The following STXBP5L variants were observed in gnomAD, a reference collection of about 807,000 sequenced individuals.
STXBP5L encodes syntaxin-binding protein 5-like.
Under a neutral mutation model 144.5 loss-of-function variants are expected in STXBP5L, and 65 were observed. That is an observed-to-expected ratio of 0.45 (90% CI 0.37 to 0.55). STXBP5L has a LOEUF of 0.55. Among genes scored for constraint, STXBP5L ranks in the 20% least tolerant of loss-of-function variants. The probability of loss-of-function intolerance (pLI) is 0.00; values close to 1 mark genes in which losing one functional copy is unlikely to be tolerated. For synonymous variants in STXBP5L, 505 were observed against 469.6 expected (o/e 1.08, Z -0.97); for missense variants, 1,298 against 1,405.5 (o/e 0.92, Z 1.22).
chr3:121,351,715 T>C (rs1413836015), intron 20 of STXBP5L, among the ~76,000 whole-genome samples: 3 of 152,198 alleles, frequency 2.0e-5, no homozygotes, highest in Non-Finnish European at 2.9e-5. Flanking sequence ...TTGTCTATTT[T>C]GGCTTTTGTT....
chr3:121,297,549 G>A (rs2051706498), intron 19 of STXBP5L, among the ~76,000 whole-genome samples: 1 of 152,024 alleles, frequency 6.6e-6, no homozygotes, highest in African/African-American at 2.4e-5. Context: ...AGGTCAGGAG[G>A]TCCAGACTAG....
chr3:121,093,578 C>T (rs960551073), intron 5 of STXBP5L, among the ~76,000 whole-genome samples: 52 of 152,166 alleles, frequency 3.4e-4, no homozygotes, highest in African/African-American at 9.7e-4. Context: ...TTGTAGTATT[C>T]GCTGATGGTA....
At chr3:120,987,471 T>A (rs1266228159) in intron 3 of STXBP5L, among the ~76,000 whole-genome samples, 1 of 151,956 alleles carries the variant, frequency 6.6e-6, no homozygotes, top group Non-Finnish European at 1.5e-5. Context: ...TTATTTCTTT[T>A]TTGTAAAGTT....
At chr3:121,061,128 T>G (rs2041254854) in intron 5 of STXBP5L, among the ~76,000 whole-genome samples, 1 of 152,220 alleles carries the variant, frequency 6.6e-6, no homozygotes, top group Non-Finnish European at 1.5e-5. Flanking sequence ...AATTTCCATC[T>G]AAACACTGCT....
chr3:121,374,222 A>G (rs1301611317), intron 20 of STXBP5L, among the ~76,000 whole-genome samples: 3 of 152,236 alleles, frequency 2.0e-5, no homozygotes, highest in African/African-American at 4.8e-5. Context: ...AAGTAATCAC[A>G]TGGAGACTAC....
chr3:121,312,238 C>A (rs537983696), intron 19 of STXBP5L, among the ~76,000 whole-genome samples: 94 of 151,998 alleles, frequency 6.2e-4, no homozygotes, highest in Middle Eastern at 3.4e-3. Context: ...AGCATAAAAA[C>A]CCTAAAAGAA....
At chr3:121,417,250 T>C (rs1160221954) in intron 25 of STXBP5L, among the ~76,000 whole-genome samples, 1 of 152,192 alleles carries the variant, frequency 6.6e-6, no homozygotes, top group East Asian at 1.9e-4. Flanking sequence ...ATAGTGGTGA[T>C]GGTCGTACAA....
chr3:121,063,809 C>G (rs575896187), intron 5 of STXBP5L, among the ~76,000 whole-genome samples: 2 of 148,842 alleles, frequency 1.3e-5, no homozygotes, highest in Non-Finnish European at 2.9e-5. Flanking sequence ...AAACCGCCTA[C>G]TCAAGCTGAG....
chr3:121,087,702 A>C (rs1167753525), intron 5 of STXBP5L, among the ~76,000 whole-genome samples: 1 of 151,326 alleles, frequency 6.6e-6, no homozygotes, highest in Non-Finnish European at 1.5e-5. Context: ...TCTCCATTTT[A>C]TTTTTTGTTT....
chr3:120,979,474 G>A (rs1239288868), intron 3 of STXBP5L, among the ~76,000 whole-genome samples: 2 of 152,144 alleles, frequency 1.3e-5, no homozygotes, highest in South Asian at 2.1e-4. Context: ...ACTAGGAAAG[G>A]GAACTCCCTG....
rs573951574 is a variant in STXBP5L, at chr3:121,147,221, G to T, written c.670-5256G>T. Among the ~76,000 whole-genome samples, 10 of 152,056 alleles carry T rather than the reference G, an allele frequency of 6.6e-5. No homozygotes were observed. The South Asian group carries it at 1.7e-3, about 25-fold the overall frequency. On this transcript the variant is annotated intron_variant, in intron 7 of 26. Transcript: ENST00000471454. The stretch of plus-strand genomic sequence containing the variant: ...GTATATTTGCTGAACCAAAAAACAT[G>T]CCAATAAATTTCAGAGGATTAAAAT...
intron 19 of STXBP5L, among the ~76,000 whole-genome samples, chr3:121,285,681 A>G (rs2051208245): frequency 6.6e-6 from 1 of 152,128 alleles, no homozygotes; most frequent in African/African-American, 2.4e-5. Context: ...AACAGCAGAC[A>G]TCTGATCAGA....
chr3:121,023,101 C>T (rs1945679897), intron 3 of STXBP5L, among the ~76,000 whole-genome samples: 1 of 151,714 alleles, frequency 6.6e-6, no homozygotes, highest in Admixed American at 6.6e-5. Flanking sequence ...TTCTATACAC[C>T]AACAGTTACC....
chr3:121,085,520 T>C (rs1257496352), intron 5 of STXBP5L, among the ~76,000 whole-genome samples: 2 of 152,170 alleles, frequency 1.3e-5, no homozygotes, highest in Non-Finnish European at 2.9e-5. Context: ...CAGGGATTCA[T>C]ATACACCAAC....
rs772300986 is a variant in STXBP5L at position 121,415,838 on chromosome 3, T to C, written c.3115-19T>C. The C allele has an allele frequency of 6.4e-7, 1 of 1,558,458 alleles. No homozygotes were observed. Among genetic ancestry groups the C allele is most frequent in the South Asian group, 1.2e-5 (1 of 86,116 alleles). ...ATTTTTTAGTTGTTCTAATGCTTTTTTCTGTGAATTTGATGCAGGACATGC... is the reference window on the plus strand; with the variant it reads ...ATTTTTTAGTTGTTCTAATGCTTTTCTCTGTGAATTTGATGCAGGACATGC... On this transcript the variant is annotated intron_variant, in intron 24 of 26. Transcript: ENST00000471454.
intron 3 of STXBP5L, among the ~76,000 whole-genome samples, chr3:121,039,238 C>T (rs976999491): frequency 6.6e-5 from 10 of 151,846 alleles, no homozygotes; most frequent in African/African-American, 1.4e-4. Flanking sequence ...TTGTCTCCTT[C>T]GTTGGCTAAT....
At chr3:120,917,754 A>G (rs1400823721) in intron 2 of STXBP5L, among the ~76,000 whole-genome samples, 1 of 152,156 alleles carries the variant, frequency 6.6e-6, no homozygotes, top group African/African-American at 2.4e-5. Context: ...TCTAATTTGG[A>G]ATTTTTCTCC....
intron 18 of STXBP5L, among the ~76,000 whole-genome samples, chr3:121,270,599 T>G (rs1451076567): frequency 6.6e-6 from 1 of 151,946 alleles, no homozygotes; most frequent in Non-Finnish European, 1.5e-5. Flanking sequence ...ATTACAGGCA[T>G]GCACCACCAC....
At chr3:121,397,249 T>C (rs1363284692) in intron 22 of STXBP5L, among the ~76,000 whole-genome samples, 2 of 152,198 alleles carry the variant, frequency 1.3e-5, no homozygotes, top group East Asian at 3.9e-4. Flanking sequence ...AGGCCAATTT[T>C]TAGGAATTAT....
Sources: gnomAD v4.1 joint callset for allele counts (sites outside exome capture counted in the v4.1 genomes callset) on GRCh38, gnomAD v4.1.1 for gene constraint, MANE v1.5 for transcripts, NCBI Gene and HGNC (gene_info 2026-07-23, HGNC 2026-07-21) for gene names.